The following MAPK8 variants were observed in gnomAD, a reference collection of about 807,000 sequenced individuals.
MAPK8 encodes JUN N-terminal kinase.
Under a neutral mutation model 52.9 loss-of-function variants are expected in MAPK8, and 13 were observed. That is an observed-to-expected ratio of 0.25 (90% confidence interval 0.16 to 0.39). MAPK8 has a LOEUF of 0.39. Ranked by LOEUF, MAPK8 falls within the 10% of genes least tolerant of loss-of-function variation. MAPK8 has a pLI of 1.00. For synonymous variants in MAPK8, 191 were observed against 169.8 expected (o/e 1.12, Z -0.97); for missense variants, 300 against 519.2 (o/e 0.58, Z 4.10).
intron 7 of MAPK8, 77 bp from the exon 8 acceptor site, chr10:48,425,811 T>C: frequency 3.0e-6 from 1 of 338,532 alleles, no homozygotes; most frequent in Middle Eastern, 1.0e-3. Context: ...TTTAAATTTC[T>C]ATTTTCTTGT....
At chr10:48,388,110 G>A (rs1381881510) in intron 1 of MAPK8, among the ~76,000 whole-genome samples, 1 of 152,162 alleles carries the variant, frequency 6.6e-6, no homozygotes, top group Non-Finnish European at 1.5e-5. Flanking sequence ...ACATGGTATA[G>A]GTAGGGAATT....
intron 5 of MAPK8, among the ~76,000 whole-genome samples, chr10:48,415,100 A>G (rs1043317734): frequency 1.3e-4 from 20 of 152,152 alleles, no homozygotes; most frequent in African/African-American, 3.6e-4. Context: ...TGTATATTAC[A>G]TATACAGCTG....
At chr10:48,385,111 ATTTTATGACTAC>A (rs995309644) in intron 1 of MAPK8, among the ~76,000 whole-genome samples, 3 of 152,196 alleles carry the variant, frequency 2.0e-5, no homozygotes, top group African/African-American at 7.2e-5. Flanking sequence ...TGTATATGGC[ATTTTATGACTAC>A]TTGGGGTCAG....
At chr10:48,309,021 T>C (rs1252377733) in intron 1 of MAPK8, among the ~76,000 whole-genome samples, 1 of 152,236 alleles carries the variant, frequency 6.6e-6, no homozygotes, top group Admixed American at 6.5e-5. Flanking sequence ...AAGATGATGG[T>C]TGAAAATCTT....
rs182286321 is a variant in MAPK8 at position 48,350,044 on chromosome 10, A to G, written c.-50+43223A>G. On this transcript the variant is annotated intron_variant, in intron 1 of 11. Coordinates refer to ENST00000374189, the MANE Select transcript of MAPK8 (RefSeq NM_001323329.2). ...GAAATGGGGAAATTCCTGGACACAT[A>G]TAGCCTCCCAAGACTAAACCAGGAA... Among the ~76,000 whole-genome samples the G allele has an allele frequency of 7.9e-3, 1,199 of 152,350 alleles. 13 individuals are homozygous for G. The highest frequency in any genetic ancestry group is 0.027 in the African/African-American group (1,117 of 41,584).
chr10:48,313,802 C>A (rs1255902245), intron 1 of MAPK8, among the ~76,000 whole-genome samples: 1 of 152,184 alleles, frequency 6.6e-6, no homozygotes, highest in Admixed American at 6.5e-5. Context: ...GTTGCCCAGG[C>A]TGGAGTGCAG....
At chr10:48,394,701 G>C (rs186164036) in intron 1 of MAPK8, among the ~76,000 whole-genome samples, 1 of 151,666 alleles carries the variant, frequency 6.6e-6, no homozygotes, top group Non-Finnish European at 1.5e-5. Context: ...ACTTCTATTC[G>C]GCATTGTATG....
intron 1 of MAPK8, among the ~76,000 whole-genome samples, chr10:48,334,548 C>T (rs762642745): frequency 1.4e-4 from 21 of 152,138 alleles, no homozygotes; most frequent in Non-Finnish European, 2.8e-4. Context: ...TGCTTTTCTC[C>T]GTATGTCACC....
chr10:48,336,711 C>A (rs972707183), intron 1 of MAPK8, among the ~76,000 whole-genome samples: 3 of 151,882 alleles, frequency 2.0e-5, no homozygotes, highest in African/African-American at 7.3e-5. Context: ...TTGCTTAGCC[C>A]CTGGAAAACT....
chr10:48,432,848 C>G (rs1228904582), intron 11 of MAPK8, among the ~76,000 whole-genome samples: 1 of 152,094 alleles, frequency 6.6e-6, no homozygotes, highest in African/African-American at 2.4e-5. Flanking sequence ...TTTCTGGATC[C>G]TCAGTTATAG....
chr10:48,414,090 G>A (rs898469260), intron 5 of MAPK8, among the ~76,000 whole-genome samples: 2 of 151,216 alleles, frequency 1.3e-5, no homozygotes, highest in African/African-American at 4.9e-5. Context: ...TTCACCTCTA[G>A]CCCTAAGCAA....
intron 1 of MAPK8, among the ~76,000 whole-genome samples, chr10:48,395,071 A>G (rs1018352405): frequency 7.2e-5 from 11 of 151,996 alleles, no homozygotes; most frequent in Non-Finnish European, 1.6e-4. Context: ...AAATTACTAT[A>G]ATACCATTTC....
intron 1 of MAPK8, among the ~76,000 whole-genome samples, chr10:48,396,003 A>C (rs1181178301): frequency 6.6e-6 from 1 of 152,166 alleles, no homozygotes; most frequent in Admixed American, 6.5e-5. Context: ...GTGAACTATA[A>C]AACTTTTATA....
At chr10:48,357,428 T>C (rs1374759691) in intron 1 of MAPK8, among the ~76,000 whole-genome samples, 2 of 152,214 alleles carry the variant, frequency 1.3e-5, no homozygotes, top group African/African-American at 4.8e-5. Flanking sequence ...AGGGTCTCGC[T>C]CTTTTACCTA....
At chr10:48,345,393 A>G (rs1482182062) in intron 1 of MAPK8, among the ~76,000 whole-genome samples, 3 of 152,296 alleles carry the variant, frequency 2.0e-5, no homozygotes, top group South Asian at 2.1e-4. Flanking sequence ...AGTGAATCCT[A>G]AGTATTTTGC....
At chr10:48,331,590 C>CA (rs1169481491) in intron 1 of MAPK8, among the ~76,000 whole-genome samples, 1 of 152,202 alleles carries the variant, frequency 6.6e-6, no homozygotes, top group Non-Finnish European at 1.5e-5. Context: ...GGGACCTTCC[C>CA]AGCTTGGGTG....
chr10:48,311,722 A>G (rs936856754), intron 1 of MAPK8, among the ~76,000 whole-genome samples: 1 of 152,120 alleles, frequency 6.6e-6, no homozygotes, highest in Non-Finnish European at 1.5e-5. Flanking sequence ...AAAATGAGGG[A>G]GATTATTTAT....
At chr10:48,358,911 C>T (rs1485931362) in intron 1 of MAPK8, among the ~76,000 whole-genome samples, 1 of 152,080 alleles carries the variant, frequency 6.6e-6, no homozygotes, top group African/African-American at 2.4e-5. Flanking sequence ...AATCGATGAC[C>T]ATTGATATAT....
chr10:48,323,049 G>A (rs1843141069), intron 1 of MAPK8, among the ~76,000 whole-genome samples: 1 of 152,112 alleles, frequency 6.6e-6, no homozygotes, highest in Non-Finnish European at 1.5e-5. Context: ...TGTAGTATAT[G>A]TGGTTTCAGT....
Sources: allele counts gnomAD v4.1 joint callset (sites outside exome capture counted in the v4.1 genomes callset), GRCh38; gene constraint gnomAD v4.1.1; transcripts MANE v1.5; gene names NCBI Gene and HGNC (gene_info 2026-07-23, HGNC 2026-07-21).